The following DTNB variants were observed in gnomAD, a reference collection of about 807,000 sequenced individuals.
DTNB encodes DTN-B.
In DTNB, 63 loss-of-function variants were observed where a neutral mutation model predicts 90.7. That is an observed-to-expected ratio of 0.69 (90% CI 0.57 to 0.86). The LOEUF (loss-of-function observed/expected upper bound fraction) is 0.86, where lower values mean the gene tolerates loss of function less well. Among genes scored for constraint, DTNB ranks in the 40% least tolerant of loss-of-function variants. The probability of loss-of-function intolerance (pLI) is 0.00; values close to 1 mark genes in which losing one functional copy is unlikely to be tolerated. For missense variants in DTNB, 744 were observed against 807.1 expected (o/e 0.92, Z 0.95); for synonymous variants, 277 against 286.7 (o/e 0.97, Z 0.34).
chr2:25,590,886 CCTA>C (rs2063436410), intron 6 of DTNB, among the ~76,000 whole-genome samples: 1 of 152,364 alleles, frequency 6.6e-6, no homozygotes, highest in Admixed American at 6.5e-5. Context: ...CTGTCTGCCT[CCTA>C]CTGCTGTTCA....
At chr2:25,641,799 T>C (rs1295047828) in intron 2 of DTNB, among the ~76,000 whole-genome samples, 1 of 152,136 alleles carries the variant, frequency 6.6e-6, no homozygotes, top group African/African-American at 2.4e-5. Flanking sequence ...AAATGACAAA[T>C]GTAGAAGCCA....
chr2:25,544,732 G>T (rs2082064318), intron 8 of DTNB, among the ~76,000 whole-genome samples: 1 of 152,178 alleles, frequency 6.6e-6, no homozygotes, highest in Non-Finnish European at 1.5e-5. Context: ...CCAATTTCAT[G>T]CCATAGTTTA....
At chr2:25,456,861 C>A (rs2060119725) in intron 10 of DTNB, among the ~76,000 whole-genome samples, 1 of 152,052 alleles carries the variant, frequency 6.6e-6, no homozygotes, top group Non-Finnish European at 1.5e-5. Flanking sequence ...AGCCACTGCG[C>A]CCGGCCCCAG....
chr2:25,601,047 A>C lies in DTNB; in HGVS notation c.449-4807T>G, dbSNP rs146427530. Among the ~76,000 whole-genome samples the C allele has an allele frequency of 1.4e-4, 22 of 152,306 alleles. No individual in the cohort carries two copies. The East Asian group carries it at 3.9e-3, about 27-fold the overall frequency. On this transcript the variant is annotated intron_variant, in intron 5 of 20. Transcript: ENST00000406818. Reference sequence around the variant, plus strand: ...TGGGTTTAAAACAATTTTTTTGTGAATAGGCTTTTATCTCTAAGAAAAACA... The same window carrying C: ...TGGGTTTAAAACAATTTTTTTGTGACTAGGCTTTTATCTCTAAGAAAAACA...
intron 12 of DTNB, among the ~76,000 whole-genome samples, chr2:25,443,486 A>T (rs1039219644): frequency 2.6e-5 from 4 of 152,246 alleles, no homozygotes; most frequent in African/African-American, 9.6e-5. Flanking sequence ...ATCCAGTAGC[A>T]TGCATTTCTG....
In DTNB at chr2:25,651,397, C is replaced by T. The variant is rs149870175; in HGVS notation, c.67+1197G>A. 2.9e-3 allele frequency among the ~76,000 whole-genome samples: 440 copies of T among 152,298 alleles called. 4 individuals are homozygous for T. Among genetic ancestry groups the T allele is most frequent in the African/African-American group, 8.9e-3 (368 of 41,568 alleles). On this transcript the variant is annotated intron_variant, in intron 2 of 20. Coordinates refer to ENST00000406818, the MANE Select transcript of DTNB (RefSeq NM_021907.5). The stretch of plus-strand genomic sequence containing the variant: ...TGGACTCAAAGCTGCTGTGGCGTGA[C>T]GAACAGATTCAAACTCATGTACATA...
chr2:25,492,123 G>T (rs1187702033), intron 9 of DTNB, among the ~76,000 whole-genome samples: 1 of 152,146 alleles, frequency 6.6e-6, no homozygotes, highest in African/African-American at 2.4e-5. Flanking sequence ...TTAGATCATA[G>T]TTCCTGTTGT....
intron 9 of DTNB, among the ~76,000 whole-genome samples, chr2:25,528,171 T>G (rs2150885219): frequency 6.6e-6 from 1 of 152,276 alleles, no homozygotes; most frequent in South Asian, 2.1e-4. Flanking sequence ...TATAATCATC[T>G]CAATACAGAA....
At chr2:25,440,564 C>T (rs1482674858) in intron 12 of DTNB, among the ~76,000 whole-genome samples, 1 of 152,222 alleles carries the variant, frequency 6.6e-6, no homozygotes, top group African/African-American at 2.4e-5. Context: ...AGAGGACCTA[C>T]ACTCAGTGAA....
chr2:25,555,114 A>G (rs1322402214), intron 8 of DTNB, among the ~76,000 whole-genome samples: 3 of 151,886 alleles, frequency 2.0e-5, no homozygotes, highest in Non-Finnish European at 2.9e-5. Flanking sequence ...GGCTAACACG[A>G]TGAAACCCTG....
intron 8 of DTNB, among the ~76,000 whole-genome samples, chr2:25,575,374 T>A (rs935210696): frequency 6.6e-6 from 1 of 152,158 alleles, no homozygotes; most frequent in Non-Finnish European, 1.5e-5. Flanking sequence ...AAGAAACTAC[T>A]GTGTTTTTTT....
intron 1 of DTNB, 169 bp from the exon 2 acceptor site, chr2:25,652,830 TC>T (rs1333260363): frequency 1.3e-5 from 7 of 535,282 alleles, no homozygotes; most frequent in Non-Finnish European, 2.2e-5. Flanking sequence ...TAAACTGCCA[TC>T]CTTTTATTTG....
intron 16 of DTNB, among the ~76,000 whole-genome samples, chr2:25,415,246 T>TC (rs1043404386): frequency 1.0e-5 from 1 of 97,946 alleles, no homozygotes; most frequent in African/African-American, 2.9e-5. Flanking sequence ...AAGAGCTTCT[T>TC]TTTTTTTTTT....
intron 9 of DTNB, among the ~76,000 whole-genome samples, chr2:25,529,446 T>G (rs1455284709): frequency 6.6e-6 from 1 of 151,144 alleles, no homozygotes; most frequent in African/African-American, 2.4e-5. Flanking sequence ...ACCACTATAA[T>G]GTTGAGAGGC....
chr2:25,492,692 A>C (rs1164851030), intron 9 of DTNB, among the ~76,000 whole-genome samples: 1 of 152,144 alleles, frequency 6.6e-6, no homozygotes, highest in African/African-American at 2.4e-5. Flanking sequence ...ACTACTAAAA[A>C]TCAAACATTA....
intron 16 of DTNB, among the ~76,000 whole-genome samples, chr2:25,395,399 A>G (rs931347488): frequency 6.6e-6 from 1 of 152,038 alleles, no homozygotes; most frequent in Non-Finnish European, 1.5e-5. Flanking sequence ...AAAAAATTTA[A>G]AAGTTTATGT....
At chr2:25,515,697 T>C (rs759392433) in intron 9 of DTNB, among the ~76,000 whole-genome samples, 1 of 152,116 alleles carries the variant, frequency 6.6e-6, no homozygotes, top group Non-Finnish European at 1.5e-5. Context: ...TGCCTAAGCC[T>C]CCTGAGTAGC....
chr2:25,618,478 G>C (rs2071447160), intron 4 of DTNB, among the ~76,000 whole-genome samples: 1 of 152,168 alleles, frequency 6.6e-6, no homozygotes, highest in African/African-American at 2.4e-5. Flanking sequence ...CCAATGTAAA[G>C]TCCAAGTTTA....
At chr2:25,381,673 G>A (rs1455171033) in intron 19 of DTNB, among the ~76,000 whole-genome samples, 18 of 152,202 alleles carry the variant, frequency 1.2e-4, no homozygotes, top group Admixed American at 1.2e-3. Context: ...ACCATGCCCA[G>A]CCTAGTCTGA....
Sources: gnomAD v4.1 joint callset for allele counts (sites outside exome capture counted in the v4.1 genomes callset) on GRCh38, gnomAD v4.1.1 for gene constraint, MANE v1.5 for transcripts, NCBI Gene and HGNC (gene_info 2026-07-23, HGNC 2026-07-21) for gene names.